The following TMEM244 variants were observed in gnomAD, a reference collection of about 807,000 sequenced individuals.
TMEM244 encodes putative transmembrane protein 244.
TMEM244 carries 13 observed loss-of-function variants against 15.8 expected under a neutral mutation model. The ratio of observed to expected loss-of-function variants is 0.82; its 90% CI spans 0.53 to 1.30. The LOEUF (loss-of-function observed/expected upper bound fraction) is 1.30, where lower values mean the gene tolerates loss of function less well. Ranked by LOEUF, TMEM244 falls within the 50% of genes most tolerant of loss-of-function variation. The probability of loss-of-function intolerance (pLI) is 0.00; values close to 1 mark genes in which losing one functional copy is unlikely to be tolerated. For missense variants in TMEM244, 161 were observed against 144.9 expected (o/e 1.11, Z -0.57); for synonymous variants, 45 against 48.7 (o/e 0.92, Z 0.32).
At chr6:129,855,470 A>G (rs1212146711) in intron 1 of TMEM244, among the ~76,000 whole-genome samples, 1 of 152,194 alleles carries the variant, frequency 6.6e-6, no homozygotes, top group African/African-American at 2.4e-5. Flanking sequence ...ACAGGCAGGA[A>G]CAACGACATT....
At chr6:129,859,018 C>A (rs113489410) in intron 1 of TMEM244, among the ~76,000 whole-genome samples, 21,394 of 152,110 alleles carry the variant, frequency 0.14, 1,626 homozygotes, top group Middle Eastern at 0.18. Context: ...TGGTATCGAA[C>A]TCCTGACCTA....
At chr6:129,855,174 A>G (rs966522828) in intron 1 of TMEM244, among the ~76,000 whole-genome samples, 19 of 152,208 alleles carry the variant, frequency 1.2e-4, no homozygotes, top group African/African-American at 4.6e-4. Context: ...CAAATTTCCA[A>G]TTAAAACGAG....
chr6:129,842,069 AT>A (rs748458845), intron 3 of TMEM244, among the ~76,000 whole-genome samples: 6 of 152,282 alleles, frequency 3.9e-5, no homozygotes, highest in East Asian at 3.9e-4. Context: ...TCTGCCAGCC[AT>A]TTTGGAGATC....
chr6:129,856,001 C>T (rs1028972398), intron 1 of TMEM244, among the ~76,000 whole-genome samples: 1 of 152,096 alleles, frequency 6.6e-6, no homozygotes, highest in Non-Finnish European at 1.5e-5. Flanking sequence ...TTTTCTTCTA[C>T]ATTTCAGTAG....
chr6:129,858,156 A>G (rs539651541), intron 1 of TMEM244, among the ~76,000 whole-genome samples: 6 of 152,138 alleles, frequency 3.9e-5, no homozygotes, highest in Non-Finnish European at 5.9e-5. Context: ...TTCTGTATTC[A>G]TAAGTGAGAT....
At chr6:129,860,847 CTG>C in intron 1 of TMEM244, among the ~76,000 whole-genome samples, 1 of 151,462 alleles carries the variant, frequency 6.6e-6, no homozygotes, top group East Asian at 1.9e-4. Context: ...TGAGAACAAA[CTG>C]TCATGATTTC....
intron 1 of TMEM244, among the ~76,000 whole-genome samples, chr6:129,848,367 G>C (rs1238670128): frequency 1.3e-5 from 2 of 152,188 alleles, no homozygotes; most frequent in Non-Finnish European, 2.9e-5. Flanking sequence ...GCCCATTACT[G>C]AACAATCACA....
At chr6:129,841,308 C>A (rs1318630419) in intron 3 of TMEM244, among the ~76,000 whole-genome samples, 1 of 150,432 alleles carries the variant, frequency 6.6e-6, no homozygotes, top group East Asian at 2.0e-4. Flanking sequence ...TTATTCTAAG[C>A]AAACTATCAC....
At chr6:129,842,439 C>G (rs1359519238) in intron 3 of TMEM244, among the ~76,000 whole-genome samples, 1 of 152,144 alleles carries the variant, frequency 6.6e-6, no homozygotes, top group Non-Finnish European at 1.5e-5. Flanking sequence ...TGGCACCAAA[C>G]AAGGCTGTAC....
Position 129,837,860 on chromosome 6 carries a change from A to T in TMEM244, c.194-4275T>A, listed in dbSNP as rs192646694. On this transcript the variant is annotated intron_variant, in intron 3 of 4. Coordinates refer to ENST00000368143, the MANE Select transcript of TMEM244 (RefSeq NM_001010876.2). ...ATAATGCTAAAGGGATCAATTCAAC[A>T]AGAAGAGCTAACCATCCTAAATATA... is the stretch of plus-strand genomic sequence containing the variant. Among the ~76,000 whole-genome samples, 312 of 152,372 alleles carry T rather than the reference A, an allele frequency of 2.0e-3. 1 individual carries two copies. Among genetic ancestry groups the T allele is most frequent in the South Asian group, 4.6e-3 (22 of 4,830 alleles).
chr6:129,839,307 A>T (rs146008726), intron 3 of TMEM244, among the ~76,000 whole-genome samples: 2,553 of 152,328 alleles, frequency 0.017, 78 homozygotes, highest in African/African-American at 0.057. Context: ...CCATCATGTA[A>T]ACAGAACCAA....
chr6:129,847,002 G>A (rs985746249), intron 1 of TMEM244, among the ~76,000 whole-genome samples: 3 of 151,988 alleles, frequency 2.0e-5, no homozygotes, highest in African/African-American at 7.3e-5. Context: ...AATTTCAAGG[G>A]GATTAAAGGC....
intron 1 of TMEM244, among the ~76,000 whole-genome samples, chr6:129,850,594 T>G (rs958359336): frequency 6.6e-6 from 1 of 152,198 alleles, no homozygotes; most frequent in African/African-American, 2.4e-5. Context: ...TCTAGCCCAG[T>G]GCTGTCCAGC....
At chr6:129,846,233 T>C (rs1019387206) in intron 1 of TMEM244, among the ~76,000 whole-genome samples, 13 of 152,206 alleles carry the variant, frequency 8.5e-5, no homozygotes, top group Non-Finnish European at 1.9e-4. Flanking sequence ...CTTTTCTTAT[T>C]TCTGTTAATA....
At chr6:129,838,009 T>A (rs576775877) in intron 3 of TMEM244, among the ~76,000 whole-genome samples, 1 of 152,296 alleles carries the variant, frequency 6.6e-6, no homozygotes, top group East Asian at 1.9e-4. Context: ...ATTAGACAGA[T>A]CAACAAGACA....
At chr6:129,832,537 A>G (rs989421170) in intron 4 of TMEM244, among the ~76,000 whole-genome samples, 3 of 152,222 alleles carry the variant, frequency 2.0e-5, no homozygotes, top group Non-Finnish European at 4.4e-5. Context: ...CTTTAAAAAA[A>G]AATTAGGCGG....
Position 129,861,228 on chromosome 6 carries a change from C to T in TMEM244, c.-40G>A, listed in dbSNP as rs1460175071. 2 of 1,610,928 alleles carry T rather than the reference C, an allele frequency of 1.2e-6. No individual in the cohort carries two copies. The highest frequency in any genetic ancestry group is 8.5e-7 in the Non-Finnish European group (1 of 1,177,910). On this transcript the variant is annotated 5_prime_UTR_variant, in exon 1 of 5. Transcript: ENST00000368143. Reference sequence around the variant, plus strand: ...TCAAGGAGGTGATGAAAGCCCCACTCCTTATAGCGATGACATCTGGAAGAA... The same window carrying T: ...TCAAGGAGGTGATGAAAGCCCCACTTCTTATAGCGATGACATCTGGAAGAA...
At chr6:129,851,525 C>A (rs1172154971) in intron 1 of TMEM244, among the ~76,000 whole-genome samples, 1 of 152,160 alleles carries the variant, frequency 6.6e-6, no homozygotes, top group African/African-American at 2.4e-5. Context: ...CCGCCTTAGC[C>A]TCCCAAAGTG....
intron 1 of TMEM244, among the ~76,000 whole-genome samples, chr6:129,859,485 C>T (rs1005537883): frequency 1.3e-5 from 2 of 152,228 alleles, no homozygotes; most frequent in Admixed American, 6.5e-5. Flanking sequence ...AGGTGAACAA[C>T]TCTGAGGATA....
Sources: gnomAD v4.1 joint callset for allele counts (sites outside exome capture counted in the v4.1 genomes callset) on GRCh38, gnomAD v4.1.1 for gene constraint, MANE v1.5 for transcripts, NCBI Gene and HGNC (gene_info 2026-07-23, HGNC 2026-07-21) for gene names.